VIPR1: variants seen among roughly 807,000 people sequenced by gnomAD.
VIPR1 encodes vasoactive intestinal peptide receptor 1.
VIPR1 carries 59 observed loss-of-function variants against 58.8 expected under a neutral mutation model. The ratio of observed to expected loss-of-function variants is 1.00; its 90% CI spans 0.81 to 1.25. The LOEUF is 1.25. VIPR1 is among the 50% of genes most tolerant of loss of function. The probability of loss-of-function intolerance (pLI) is 0.00; values close to 1 mark genes in which losing one functional copy is unlikely to be tolerated. For missense variants in VIPR1, 626 were observed against 602.7 expected, an observed-to-expected ratio of 1.04 and a Z score of -0.40; for synonymous variants, 251 against 242.1, an observed-to-expected ratio of 1.04 and a Z score of -0.34.
intron 7 of VIPR1, 86 bp downstream of exon 7, chr3:42,531,018 T>C (rs1399686386): frequency 1.9e-6 from 3 of 1,541,114 alleles, no homozygotes; most frequent in Non-Finnish European, 2.7e-6. Flanking sequence ...CAACCCAGCT[T>C]GCAGTCCTAC....
At chr3:42,512,960 C>G (rs1700433178) in intron 1 of VIPR1, 1 of 985,314 alleles carries the variant, frequency 1.0e-6, no homozygotes, top group African/African-American at 1.7e-5. Context: ...GTCAGTGACC[C>G]CAGTCACACT....
At chr3:42,527,067 CA>C (rs1701271250) in intron 4 of VIPR1, among the ~76,000 whole-genome samples, 1 of 152,114 alleles carries the variant, frequency 6.6e-6, no homozygotes, top group African/African-American at 2.4e-5. Context: ...GGAAGCCGGG[CA>C]CATGGCTGGA....
chr3:42,522,080 A>AATATATATATATATATATATATATAT lies in VIPR1; in HGVS notation c.292+2772_292+2773insATATATATATATATATATATATATAT, dbSNP rs59106663. Among the ~76,000 whole-genome samples, 17 of 52,992 alleles carry AATATATATATATATATATATATATAT rather than the reference A, an allele frequency of 3.2e-4. 1 individual carries two copies. Among genetic ancestry groups the AATATATATATATATATATATATATAT allele is most frequent in the Admixed American group, 5.6e-4 (2 of 3,554 alleles). 34.8% of individuals were successfully genotyped at this position (52,992 alleles called of 152,430 possible). On this transcript the variant is annotated intron_variant, in intron 3 of 12. Coordinates refer to ENST00000325123, the MANE Select transcript of VIPR1 (RefSeq NM_004624.4). ...TCTTTCATCTGTGTTTCTACCTTCG[A>AATATATATATATATATATATATATAT]ATATATATATATATATATATATTTT... is the stretch of plus-strand genomic sequence containing the variant.
At chr3:42,532,041 G>A (rs1317282785) in intron 9 of VIPR1, 172 bp downstream of exon 9, 3 of 923,464 alleles carry the variant, frequency 3.2e-6, no homozygotes, top group African/African-American at 1.6e-5. Context: ...TTGAGCGTAA[G>A]CGGATTGGGA....
At chr3:42,507,716 AC>A (rs1370220498) in intron 1 of VIPR1, among the ~76,000 whole-genome samples, 1 of 152,048 alleles carries the variant, frequency 6.6e-6, no homozygotes, top group Non-Finnish European at 1.5e-5. Flanking sequence ...CCCAAAAGAA[AC>A]CTTCCAAGAA....
rs754586724 is a variant in VIPR1 at position 42,513,743 on chromosome 3, T to C, written c.79-6T>C. 6.4e-7 allele frequency: 1 copy of C among 1,551,222 alleles called. No individual in the cohort carries two copies. Among genetic ancestry groups the C allele is most frequent in the South Asian group, 1.2e-5 (1 of 84,036 alleles). On this transcript the variant is annotated splice_polypyrimidine_tract_variant and splice_region_variant and intron_variant, in intron 1 of 12. Transcript: ENST00000325123. The stretch of plus-strand genomic sequence containing the variant: ...GCTGATGGGCCCTCCCTGTCTTTGT[T>C]CTCAGGGCGGCCAGGCGGCCAGGCT...
intron 1 of VIPR1, among the ~76,000 whole-genome samples, chr3:42,489,916 C>T (rs1040485188): frequency 6.6e-6 from 1 of 152,120 alleles, no homozygotes; most frequent in African/African-American, 2.4e-5. Flanking sequence ...CCATAGGTTA[C>T]ACACACACAC....
chr3:42,523,481 G>GT (rs1701062661), intron 3 of VIPR1, among the ~76,000 whole-genome samples: 1 of 152,146 alleles, frequency 6.6e-6, no homozygotes, highest in African/African-American at 2.4e-5. Flanking sequence ...CTCCCTTGCT[G>GT]TGTGACCATG....
upstream of VIPR1, among the ~76,000 whole-genome samples, chr3:42,497,737 T>C (rs1577191909): frequency 1.3e-5 from 2 of 152,268 alleles, no homozygotes; most frequent in South Asian, 4.1e-4. Context: ...TCATGAGATC[T>C]GATGGTTTTA....
intron 1 of VIPR1, among the ~76,000 whole-genome samples, chr3:42,510,491 C>G (rs976962976): frequency 6.6e-6 from 1 of 152,110 alleles, no homozygotes; most frequent in Non-Finnish European, 1.5e-5. Context: ...GCCTGAATTC[C>G]TTAGTGATAA....
At chr3:42,526,842 C>T (rs1701257863) in intron 4 of VIPR1, among the ~76,000 whole-genome samples, 1 of 152,162 alleles carries the variant, frequency 6.6e-6, no homozygotes. Flanking sequence ...CGGGGCCTAG[C>T]TTTGCCCTCC....
At chr3:42,492,372 A>C (rs1345339758) in intron 1 of VIPR1, 1 of 152,242 alleles carries the variant, frequency 6.6e-6, no homozygotes, top group Non-Finnish European at 1.5e-5. Flanking sequence ...GGTCACCACC[A>C]CCCCCAGCTT....
intron 3 of VIPR1, among the ~76,000 whole-genome samples, chr3:42,524,499 G>C (rs574388467): frequency 6.6e-6 from 1 of 152,144 alleles, no homozygotes; most frequent in Non-Finnish European, 1.5e-5. Context: ...CCCAGCCCAC[G>C]GCTGCTCTTT....
intron 4 of VIPR1, among the ~76,000 whole-genome samples, chr3:42,526,974 A>G (rs534952759): frequency 6.6e-6 from 1 of 152,208 alleles, no homozygotes; most frequent in Admixed American, 6.5e-5. Flanking sequence ...TCTCCTCCCT[A>G]TACAGAGACA....
At chr3:42,505,100 G>A (rs898606651) in intron 1 of VIPR1, among the ~76,000 whole-genome samples, 2 of 151,914 alleles carry the variant, frequency 1.3e-5, no homozygotes, top group African/African-American at 2.4e-5. Context: ...AGGCCTCCTC[G>A]TGGGAAATTC....
chr3:42,527,701 G>C (rs1182765466), intron 5 of VIPR1: 6 of 639,176 alleles, frequency 9.4e-6, no homozygotes, highest in Non-Finnish European at 1.6e-5. Flanking sequence ...GTCTCCCCTA[G>C]GATGGCCCTG....
At chr3:42,515,063 G>A (rs950683938) in intron 2 of VIPR1, among the ~76,000 whole-genome samples, 3 of 152,166 alleles carry the variant, frequency 2.0e-5, no homozygotes, top group Admixed American at 6.5e-5. Context: ...GGCTGGGCCC[G>A]TTCTGGGCCT....
chr3:42,513,512 AGCACT>A, intron 1 of VIPR1: 1 of 494,554 alleles, frequency 2.0e-6, no homozygotes, highest in Non-Finnish European at 3.6e-6. Context: ...TTACAGCTGC[AGCACT>A]AATGGGGGAG....
At chr3:42,524,359 C>T (rs984595529) in intron 3 of VIPR1, among the ~76,000 whole-genome samples, 2 of 152,196 alleles carry the variant, frequency 1.3e-5, no homozygotes, top group East Asian at 3.9e-4. Context: ...GTCCTAGGAG[C>T]CTCTTGCAAC....
Sources: allele counts gnomAD v4.1 joint callset (sites outside exome capture counted in the v4.1 genomes callset), GRCh38; gene constraint gnomAD v4.1.1; transcripts MANE v1.5; gene names NCBI Gene and HGNC (gene_info 2026-07-23, HGNC 2026-07-21).